Variants in PTPRG observed in about 807,000 individuals in gnomAD.
PTPRG encodes the protein receptor-type tyrosine-protein phosphatase gamma.
Under a neutral mutation model 165.3 loss-of-function variants are expected in PTPRG, and 102 were observed. The observed-to-expected ratio is 0.62, with a 90% confidence interval of 0.53 to 0.73. The LOEUF (loss-of-function observed/expected upper bound fraction) is 0.73, where lower values mean the gene tolerates loss of function less well. PTPRG is among the 30% of genes least tolerant of loss of function. PTPRG has a pLI of 0.00. For synonymous variants in PTPRG, 675 were observed against 669.5 expected (o/e 1.01, Z -0.13); for missense variants, 1,866 against 1,861.4 (o/e 1.00, Z -0.05).
At chr3:61,570,604 G>C (rs1700033072) in intron 1 of PTPRG, among the ~76,000 whole-genome samples, 1 of 152,150 alleles carries the variant, frequency 6.6e-6, no homozygotes, top group South Asian at 2.1e-4. Context: ...TAGCATTGCT[G>C]CCTCATGAAT....
intron 4 of PTPRG, among the ~76,000 whole-genome samples, chr3:62,037,206 G>A (rs564558491): frequency 2.6e-5 from 4 of 152,272 alleles, no homozygotes; most frequent in Non-Finnish European, 4.4e-5. Context: ...TAGGGTTAGG[G>A]TGGCTGGCCC....
In PTPRG at chr3:61,760,290, G is replaced by T. The variant is rs117131677; in HGVS notation, c.190+11308G>T. Among the ~76,000 whole-genome samples the T allele has an allele frequency of 2.4e-3, 361 of 152,222 alleles. 11 individuals carry two copies. The East Asian group carries it at 0.062, about 26-fold the overall frequency. On this transcript the variant is annotated intron_variant, in intron 2 of 29. Transcript: ENST00000474889. Reference sequence around the variant, plus strand: ...CCTAGTTCAAAAGTTATGGCTCATTGTAAGTGCTGGTCTGGTATAACCATA... The same window carrying T: ...CCTAGTTCAAAAGTTATGGCTCATTTTAAGTGCTGGTCTGGTATAACCATA...
chr3:61,879,649 A>T (rs145678229), intron 2 of PTPRG, among the ~76,000 whole-genome samples: 1 of 152,314 alleles, frequency 6.6e-6, no homozygotes, highest in Non-Finnish European at 1.5e-5. Flanking sequence ...ATTTCTATAT[A>T]CAAGAGCATG....
intron 2 of PTPRG, chr3:61,769,294 G>C (rs1388995260): frequency 6.6e-6 from 1 of 152,022 alleles, no homozygotes; most frequent in East Asian, 1.9e-4. Context: ...TTCCATATAG[G>C]GTTTTACTCT....
rs140655654 is a variant in PTPRG at position 61,675,971 on chromosome 3, C to T, written c.86-72907C>T. ...TATCCTATTGTTAGATACGTCTGTT[C>T]TCAGTTTTTTCGACCATTCTTGGAA... is the stretch of plus-strand genomic sequence containing the variant. On this transcript the variant is annotated intron_variant, in intron 1 of 29. Transcript: ENST00000474889. Among the ~76,000 whole-genome samples the T allele has an allele frequency of 7.1e-3, 1,080 of 152,268 alleles. 13 individuals are homozygous for T. The highest frequency in any genetic ancestry group is 0.024 in the African/African-American group (1,007 of 41,546).
In PTPRG at chr3:61,667,474, A is replaced by G. The variant is rs143657586; in HGVS notation, c.86-81404A>G. Reference sequence around the variant, plus strand: ...ATTTAAAATGATGCTTATAGCAAGCATATGTACAACGTAATATGTTCCAGC... The same window carrying G: ...ATTTAAAATGATGCTTATAGCAAGCGTATGTACAACGTAATATGTTCCAGC... On this transcript the variant is annotated intron_variant, in intron 1 of 29. Coordinates refer to ENST00000474889, the MANE Select transcript of PTPRG (RefSeq NM_002841.4). Among the ~76,000 whole-genome samples the G allele has an allele frequency of 5.9e-4, 90 of 152,330 alleles. 1 individual carries two copies. In the East Asian group the frequency reaches 0.017, roughly 28 times the overall value.
chr3:62,277,627 T>G lies in PTPRG; in HGVS notation c.3713T>G (p.Ile1238Ser). The change falls in exon 26 of 30, where the codon ATT becomes AGT. Residue 1238 changes from isoleucine to serine, a missense_variant. Physicochemically the swap from Ile to Ser is moderately radical, Grantham distance 142. This residue lies in a region of PTPRG where 1,452 missense variants were observed against 1,463.0 expected (regional missense o/e 0.99). Coordinates refer to ENST00000474889, the MANE Select transcript of PTPRG (RefSeq NM_002841.4). ...PHTTKDFWRM[I>S]WDHNAQIIVM... ...ACTACGAAAGATTTCTGGCGAATGA[T>G]TTGGGATCATAACGCACAGATCATT... The G allele has an allele frequency of 6.2e-7, 1 of 1,612,872 alleles. No homozygotes were observed. Among genetic ancestry groups the G allele is most frequent in the Non-Finnish European group, 8.5e-7 (1 of 1,179,346 alleles).
intron 17 of PTPRG, among the ~76,000 whole-genome samples, chr3:62,266,375 C>T (rs2148865417): frequency 1.3e-5 from 2 of 152,222 alleles, no homozygotes; most frequent in East Asian, 3.9e-4. Flanking sequence ...GTGGATGTTA[C>T]CAAATCACCT....
At chr3:61,873,071 G>A (rs1013905536) in intron 2 of PTPRG, among the ~76,000 whole-genome samples, 1 of 152,096 alleles carries the variant, frequency 6.6e-6, no homozygotes, top group Admixed American at 6.6e-5. Context: ...TAAATTGGTA[G>A]AACCATTTTG....
At chr3:61,955,259 G>A (rs779107844) in intron 2 of PTPRG, among the ~76,000 whole-genome samples, 1 of 152,084 alleles carries the variant, frequency 6.6e-6, no homozygotes, top group Non-Finnish European at 1.5e-5. Context: ...CATGTTAGAT[G>A]TTTTTAACTG....
chr3:61,746,471 CTTG>C (rs1382324829), intron 1 of PTPRG, among the ~76,000 whole-genome samples: 4 of 151,790 alleles, frequency 2.6e-5, no homozygotes, highest in Admixed American at 6.6e-5. Flanking sequence ...AGGGTTTCGC[CTTG>C]TTACCCAGGC....
At chr3:62,218,089 C>A (rs966262343) in intron 12 of PTPRG, among the ~76,000 whole-genome samples, 1 of 152,104 alleles carries the variant, frequency 6.6e-6, no homozygotes, top group Non-Finnish European at 1.5e-5. Flanking sequence ...AAAACAGGAT[C>A]TCTGGGGATC....
At chr3:61,705,060 C>T (rs1204000136) in intron 1 of PTPRG, among the ~76,000 whole-genome samples, 1 of 152,160 alleles carries the variant, frequency 6.6e-6, no homozygotes, top group Non-Finnish European at 1.5e-5. Context: ...AGGTGCTGGA[C>T]AGTGAGCTTA....
At chr3:62,166,456 C>T (rs1031649477) in intron 7 of PTPRG, among the ~76,000 whole-genome samples, 5 of 151,440 alleles carry the variant, frequency 3.3e-5, no homozygotes, top group African/African-American at 1.2e-4. Context: ...CATGCCTCAG[C>T]CTCCCGAGTA....
At chr3:62,140,719 C>T (rs548113418) in intron 6 of PTPRG, among the ~76,000 whole-genome samples, 12 of 151,810 alleles carry the variant, frequency 7.9e-5, no homozygotes, top group Admixed American at 3.9e-4. Context: ...TGGTGTTATG[C>T]GCCTGTAGTC....
At chr3:61,814,443 C>G (rs1167273366) in intron 2 of PTPRG, among the ~76,000 whole-genome samples, 1 of 152,088 alleles carries the variant, frequency 6.6e-6, no homozygotes, top group Non-Finnish European at 1.5e-5. Flanking sequence ...CACCTGCAGA[C>G]CTATGTCTAG....
At position 62,190,548 on chromosome 3, in the gene PTPRG, C is replaced by G. The variant is rs556275975; in HGVS notation, c.1034-921C>G. On this transcript the variant is annotated intron_variant, in intron 8 of 29. Transcript: ENST00000474889. The surrounding 1 kb of genome is among the most constrained non-coding windows in gnomAD (Gnocchi z 5.2). ...CACCGTGTCCCTTAAACCTCTCAGC[C>G]CCAAGGAATAAGAAGATGAATGAGC... 6.6e-6 allele frequency among the ~76,000 whole-genome samples: 1 copy of G among 152,070 alleles called. No homozygotes were observed. The highest frequency in any genetic ancestry group is 1.5e-5 in the Non-Finnish European group (1 of 68,016).
intron 2 of PTPRG, among the ~76,000 whole-genome samples, chr3:61,934,280 G>A (rs149235311): frequency 2.0e-5 from 3 of 152,252 alleles, no homozygotes; most frequent in South Asian, 4.2e-4. Context: ...AATGCCCTAG[G>A]AGATGGATGC....
rs114952359 is a variant in PTPRG, at chr3:62,250,011, G to A, written c.2468-5113G>A. ...GCACCTAGAACATAGGGTTGTGCAT[G>A]TAAAGCAAGTAGCACCTAACAATAA... On this transcript the variant is annotated intron_variant, in intron 15 of 29. Transcript: ENST00000474889. Among the ~76,000 whole-genome samples, 631 of 152,292 alleles carry A rather than the reference G, an allele frequency of 4.1e-3. 4 individuals carry two copies. Among genetic ancestry groups the A allele is most frequent in the African/African-American group, 0.015 (611 of 41,558 alleles).
Sources: gnomAD v4.1 joint callset for allele counts (sites outside exome capture counted in the v4.1 genomes callset) on GRCh38, gnomAD v4.1.1 for gene constraint, gnomAD v4.1.1 regional missense constraint, Gnocchi (gnomAD v3.1) non-coding constraint, MANE v1.5 for transcripts, NCBI Gene and HGNC (gene_info 2026-07-23, HGNC 2026-07-21) for gene names.